Variants in PMFBP1 observed in about 807,000 individuals in gnomAD.
PMFBP1 encodes polyamine-modulated factor 1-binding protein 1.
In PMFBP1, 131 loss-of-function variants were observed where a neutral mutation model predicts 137.8. The observed-to-expected ratio is 0.95, with a 90% CI of 0.82 to 1.10. The LOEUF (loss-of-function observed/expected upper bound fraction) is 1.10. Among genes scored for constraint, PMFBP1 ranks in the 50% least tolerant of loss-of-function variants. PMFBP1 has a pLI of 0.00. For missense variants in PMFBP1, 1,199 were observed against 1,175.4 expected, an observed-to-expected ratio of 1.02 and a Z score of -0.29; for synonymous variants, 490 against 450.4, an observed-to-expected ratio of 1.09 and a Z score of -1.11.
At chr16:72,211,909 A>G in the PMFBP1 span, among the ~76,000 whole-genome samples, 1 of 152,118 alleles carries the variant, frequency 6.6e-6, no homozygotes, top group African/African-American at 2.4e-5. Context: ...AAGTGGGAGG[A>G]CTGCTTGAGC....
At chr16:72,193,229 A>G in the PMFBP1 span, among the ~76,000 whole-genome samples, 1 of 152,006 alleles carries the variant, frequency 6.6e-6, no homozygotes, top group Admixed American at 6.6e-5. Flanking sequence ...TCTACAATAA[A>G]ATAAAATAAA....
chr16:72,245,403 G>A, the PMFBP1 span, among the ~76,000 whole-genome samples: 1 of 152,160 alleles, frequency 6.6e-6, no homozygotes, highest in African/African-American at 2.4e-5. Context: ...GCTGGTAAAT[G>A]GTAAAGCTGG....
rs749488254 is a variant in PMFBP1 at position 72,139,273 on chromosome 16, A to C, written c.918+16T>G. The stretch of plus-strand genomic sequence containing the variant: ...AGCCCGATCCCAGTAGGCACAGATC[A>C]GCAAATTTCTCCCACCTTTTTGATG... On this transcript the variant is annotated intron_variant, in intron 7 of 20. Transcript: ENST00000237353. 7.5e-6 allele frequency: 12 copies of C among 1,591,868 alleles called. No homozygotes were observed. Among genetic ancestry groups the C allele is most frequent in the Non-Finnish European group, 1.0e-5 (12 of 1,160,118 alleles).
At chr16:72,195,724 C>G in the PMFBP1 span, among the ~76,000 whole-genome samples, 1 of 152,210 alleles carries the variant, frequency 6.6e-6, no homozygotes, top group Non-Finnish European at 1.5e-5. Context: ...CACATTGGAG[C>G]GTTCTCAGGG....
intron 3 of PMFBP1, among the ~76,000 whole-genome samples, chr16:72,163,814 C>T (rs2043099547): frequency 6.6e-6 from 1 of 151,982 alleles, no homozygotes; most frequent in Admixed American, 6.5e-5. Context: ...AGTGAAGTAA[C>T]TCAGGAATGG....
chr16:72,127,275 G>A (rs1305240292), intron 14 of PMFBP1, among the ~76,000 whole-genome samples: 3 of 152,296 alleles, frequency 2.0e-5, no homozygotes, highest in African/African-American at 7.2e-5. Flanking sequence ...ATGAAAAGTG[G>A]TAAATTGGAC....
the PMFBP1 span, among the ~76,000 whole-genome samples, chr16:72,195,795 C>T: frequency 6.6e-6 from 1 of 152,258 alleles, no homozygotes; most frequent in East Asian, 1.9e-4. Flanking sequence ...ACAAAGGCTG[C>T]GGCCTGAGCT....
the PMFBP1 span, among the ~76,000 whole-genome samples, chr16:72,192,985 G>A: frequency 6.6e-6 from 1 of 151,696 alleles, no homozygotes; most frequent in African/African-American, 2.4e-5. Context: ...ATGAAAGAAT[G>A]TGCACGTTAT....
In PMFBP1 at chr16:72,124,687, G is replaced by A. The variant is rs570619991; in HGVS notation, c.2589+80C>T. On this transcript the variant is annotated intron_variant, in intron 17 of 20. Transcript: ENST00000237353. ...TCCCAGGCTCTCCCACCCCCACCAA[G>A]GGCTGTCTGGCATTTGGGTGGTCAT... The A allele has an allele frequency of 1.1e-3, 1,747 of 1,522,020 alleles. 2 individuals are homozygous for A. Among genetic ancestry groups the A allele is most frequent in the Non-Finnish European group, 1.5e-3 (1,666 of 1,121,388 alleles). 94.3% of individuals were successfully genotyped at this position (1,522,020 alleles called of 1,614,324 possible).
intron 3 of PMFBP1, among the ~76,000 whole-genome samples, chr16:72,157,058 G>A (rs1475501045): frequency 3.3e-5 from 5 of 151,274 alleles, no homozygotes; most frequent in South Asian, 2.1e-4. Flanking sequence ...GTGTGGTGGC[G>A]GGCGCCTGTA....
chr16:72,143,068 A>G (rs1185630183), intron 5 of PMFBP1, among the ~76,000 whole-genome samples: 1 of 152,254 alleles, frequency 6.6e-6, no homozygotes, highest in Non-Finnish European at 1.5e-5. Context: ...CTATTCGTGT[A>G]ATCTGCTTCA....
chr16:72,131,173 G>T (rs571345396), intron 10 of PMFBP1, among the ~76,000 whole-genome samples: 1 of 152,308 alleles, frequency 6.6e-6, no homozygotes, highest in East Asian at 1.9e-4. Flanking sequence ...AAAGAAGTGG[G>T]AGGAAGGGAA....
rs185035030 is a variant in PMFBP1, at chr16:72,168,898, A to G, written c.12+2299T>C. Among the ~76,000 whole-genome samples, 167 of 152,332 alleles carry G rather than the reference A, an allele frequency of 1.1e-3. 1 individual carries two copies. The highest frequency in any genetic ancestry group is 6.6e-4 in the Non-Finnish European group (45 of 68,026). On this transcript the variant is annotated intron_variant, in intron 2 of 20. Transcript: ENST00000237353. The stretch of plus-strand genomic sequence containing the variant: ...TTGATTAAATGGGTCTTTTGTCAAA[A>G]AGCATGGTATCTCAAACATATATTT...
At chr16:72,157,183 C>CAAAA (rs35414674) in intron 3 of PMFBP1, among the ~76,000 whole-genome samples, 3 of 18,916 alleles carry the variant, frequency 1.6e-4, no homozygotes, top group Non-Finnish European at 1.9e-4. Flanking sequence ...GACTCCATCT[C>CAAAA]AAAAAAAAAA....
In PMFBP1 at chr16:72,124,837, T is replaced by C. The variant is rs1311499818; in HGVS notation, c.2519A>G (p.Glu840Gly). 5 of 1,614,216 alleles carry C rather than the reference T, an allele frequency of 3.1e-6. No homozygotes were observed. Among genetic ancestry groups the C allele is most frequent in the African/African-American group, 1.3e-5 (1 of 75,064 alleles). ...CTCCTGGAACTCCCTGAGCTGCTCC[T>C]CTTTGGCTGCCAGCATCTTGAGGTC... ...QNDLKMLAAK[E>G]EQLREFQEEM... Residue 840 changes from glutamate to glycine, a missense_variant, in exon 17 of 21, where the codon GAG (glutamate) becomes GGG (glycine). By Grantham distance (98) the Glu-to-Gly change is moderately conservative. Coordinates refer to ENST00000237353, the MANE Select transcript of PMFBP1 (RefSeq NM_031293.3).
downstream of PMFBP1, among the ~76,000 whole-genome samples, chr16:72,117,745 CT>C (rs2042323162): frequency 6.6e-6 from 1 of 152,072 alleles, no homozygotes. Flanking sequence ...GTAACCATTT[CT>C]TTTTAATATC....
chr16:72,152,370 C>A (rs894612827), intron 4 of PMFBP1, among the ~76,000 whole-genome samples: 2 of 152,164 alleles, frequency 1.3e-5, no homozygotes, highest in Non-Finnish European at 2.9e-5. Context: ...CAATGCACCT[C>A]CTAAAACACC....
At chr16:72,189,945 T>C in the PMFBP1 span, among the ~76,000 whole-genome samples, 1 of 152,100 alleles carries the variant, frequency 6.6e-6, no homozygotes, top group African/African-American at 2.4e-5. Flanking sequence ...TGGGTGAGTG[T>C]CATGGGACTG....
Position 72,156,488 on chromosome 16 carries a change from C to T in PMFBP1, c.166-2029G>A, listed in dbSNP as rs1307118724. Among the ~76,000 whole-genome samples, 8 of 151,936 alleles carry T rather than the reference C, an allele frequency of 5.3e-5. No homozygotes were observed. In the South Asian group the frequency reaches 1.2e-3, roughly 24 times the overall value. On this transcript the variant is annotated intron_variant, in intron 3 of 20. Transcript: ENST00000237353. The stretch of plus-strand genomic sequence containing the variant: ...AAAAAAAATTAGCCAGGCGTGGTGG[C>T]GGGCGCCTGTAGTCCCAGCTACTCA...
Sources: gnomAD v4.1 joint callset for allele counts (sites outside exome capture counted in the v4.1 genomes callset) on GRCh38, gnomAD v4.1.1 for gene constraint, MANE v1.5 for transcripts, NCBI Gene and HGNC (gene_info 2026-07-23, HGNC 2026-07-21) for gene names.